Variants in MSRB3 observed in about 807,000 individuals in gnomAD.
MSRB3 encodes methionine sulfoxide reductase B3.
Under a neutral mutation model 21.0 loss-of-function variants are expected in MSRB3, and 13 were observed. The observed-to-expected ratio is 0.62, with a 90% CI of 0.40 to 0.98. The LOEUF is 0.98. Among genes scored for constraint, MSRB3 ranks in the 50% least tolerant of loss-of-function variants. The pLI is 0.00. For missense variants in MSRB3, 199 were observed against 230.3 expected (o/e 0.86, Z 0.88); for synonymous variants, 87 against 88.6 (o/e 0.98, Z 0.10).
At chr12:65,459,280 A>G (rs1883217571) in intron 6 of MSRB3, among the ~76,000 whole-genome samples, 1 of 152,230 alleles carries the variant, frequency 6.6e-6, no homozygotes, top group Non-Finnish European at 1.5e-5. Flanking sequence ...ATATGCACCA[A>G]TAGAAAGTAT....
chr12:65,305,271 G>A (rs542726030), intron 1 of MSRB3: 5 of 151,968 alleles, frequency 3.3e-5, no homozygotes, highest in African/African-American at 1.2e-4. Flanking sequence ...TGGTCAGGTT[G>A]GTCTGGAACT....
intron 2 of MSRB3, 135 bp downstream of exon 2, chr12:65,308,790 G>A (rs1873808504): frequency 8.4e-7 from 1 of 1,193,910 alleles, no homozygotes; most frequent in African/African-American, 1.5e-5. Context: ...GACGGAAATT[G>A]GTTATAAATC....
chr12:65,375,279 GTC>G (rs1486054635), intron 5 of MSRB3, among the ~76,000 whole-genome samples: 1 of 152,108 alleles, frequency 6.6e-6, no homozygotes, highest in African/African-American at 2.4e-5. Flanking sequence ...ATAGATGTAA[GTC>G]TCTCTTTCGA....
At chr12:65,332,467 A>G (rs1233585682) in intron 4 of MSRB3, among the ~76,000 whole-genome samples, 2 of 152,128 alleles carry the variant, frequency 1.3e-5, no homozygotes, top group African/African-American at 2.4e-5. Flanking sequence ...CAAGTATCTA[A>G]TCACACCGGG....
chr12:65,416,921 T>C lies in MSRB3; in HGVS notation c.293-36807T>C, dbSNP rs1433233519. Among the ~76,000 whole-genome samples the C allele has an allele frequency of 2.6e-5, 4 of 152,162 alleles. No individual in the cohort carries two copies. In the East Asian group the frequency reaches 7.7e-4, roughly 29 times the overall value. On this transcript the variant is annotated intron_variant, in intron 5 of 6. Coordinates refer to ENST00000308259, the MANE Select transcript of MSRB3 (RefSeq NM_001031679.3). ...TCTTTCTATTTTGGCCCTGCTTGGG[T>C]TTCAGTACATCTTGGTTTGTATTGG...
chr12:65,356,150 G>A (rs1237397679), intron 4 of MSRB3, among the ~76,000 whole-genome samples: 1 of 151,844 alleles, frequency 6.6e-6, no homozygotes, highest in Admixed American at 6.6e-5. Flanking sequence ...ACTGACCACA[G>A]AAAATTTATC....
At chr12:65,385,768 T>G (rs1879167604) in intron 5 of MSRB3, among the ~76,000 whole-genome samples, 1 of 152,018 alleles carries the variant, frequency 6.6e-6, no homozygotes, top group Non-Finnish European at 1.5e-5. Flanking sequence ...TTGGTGTTAC[T>G]TCTGCCATCT....
At chr12:65,400,404 T>C (rs575190492) in intron 5 of MSRB3, among the ~76,000 whole-genome samples, 1 of 152,296 alleles carries the variant, frequency 6.6e-6, no homozygotes, top group South Asian at 2.1e-4. Flanking sequence ...TGTAGCAGTG[T>C]TTGTAGTATT....
At chr12:65,454,478 G>T (rs1883003724) in intron 6 of MSRB3, among the ~76,000 whole-genome samples, 1 of 152,072 alleles carries the variant, frequency 6.6e-6, no homozygotes, top group Non-Finnish European at 1.5e-5. Context: ...CTGATATTTT[G>T]ATAATCTCCC....
chr12:65,393,846 G>A (rs1879628858), intron 5 of MSRB3, among the ~76,000 whole-genome samples: 1 of 151,786 alleles, frequency 6.6e-6, no homozygotes, highest in Admixed American at 6.6e-5. Flanking sequence ...GTATGGATGT[G>A]GGTACTTCTA....
intron 1 of MSRB3, among the ~76,000 whole-genome samples, chr12:65,294,209 T>G (rs1872821521): frequency 6.6e-6 from 1 of 152,170 alleles, no homozygotes; most frequent in South Asian, 2.1e-4. Flanking sequence ...TCAGAAGTGC[T>G]TATTAGTGTC....
chr12:65,457,534 TG>T (rs2136709903), intron 6 of MSRB3, among the ~76,000 whole-genome samples: 1 of 152,306 alleles, frequency 6.6e-6, no homozygotes, highest in South Asian at 2.1e-4. Flanking sequence ...TCCATGTCCC[TG>T]CAAAGGACAT....
intron 5 of MSRB3, chr12:65,419,678 G>C: frequency 1.4e-6 from 1 of 731,114 alleles, no homozygotes; most frequent in Non-Finnish European, 2.5e-6. Flanking sequence ...TTCTCCAGGT[G>C]CTCCCAGATT....
intron 5 of MSRB3, among the ~76,000 whole-genome samples, chr12:65,392,478 C>A (rs928104869): frequency 6.6e-6 from 1 of 152,174 alleles, no homozygotes; most frequent in Non-Finnish European, 1.5e-5. Flanking sequence ...CATTAGGGCA[C>A]AATTTATGGC....
intron 5 of MSRB3, among the ~76,000 whole-genome samples, chr12:65,444,007 T>C (rs978718977): frequency 1.3e-5 from 2 of 152,224 alleles, no homozygotes; most frequent in African/African-American, 4.8e-5. Flanking sequence ...ATTTTCTTTA[T>C]AATTCATTTA....
At chr12:65,409,218 T>C (rs1880589311) in intron 5 of MSRB3, among the ~76,000 whole-genome samples, 1 of 151,876 alleles carries the variant, frequency 6.6e-6, no homozygotes, top group South Asian at 2.1e-4. Context: ...ACATACACAC[T>C]GTCATGAATA....
At chr12:65,329,523 G>A (rs575849956) in intron 4 of MSRB3, among the ~76,000 whole-genome samples, 94 of 151,984 alleles carry the variant, frequency 6.2e-4, no homozygotes, top group African/African-American at 2.1e-3. Flanking sequence ...GGTGGTGTGC[G>A]CCTGTAGTCC....
At chr12:65,445,169 G>C (rs1301199607) in intron 5 of MSRB3, among the ~76,000 whole-genome samples, 1 of 152,050 alleles carries the variant, frequency 6.6e-6, no homozygotes, top group Non-Finnish European at 1.5e-5. Flanking sequence ...TGCCCTGCAT[G>C]TACTGCAATC....
At chr12:65,447,052 G>T (rs188137241) in intron 5 of MSRB3, among the ~76,000 whole-genome samples, 1 of 152,336 alleles carries the variant, frequency 6.6e-6, no homozygotes, top group East Asian at 1.9e-4. Flanking sequence ...TGCTATTGAG[G>T]TGTTGATATT....
Sources: gnomAD v4.1 joint callset for allele counts (sites outside exome capture counted in the v4.1 genomes callset) on GRCh38, gnomAD v4.1.1 for gene constraint, MANE v1.5 for transcripts, NCBI Gene and HGNC (gene_info 2026-07-23, HGNC 2026-07-21) for gene names.